Variants in LDAH observed in about 807,000 individuals in gnomAD.
The protein encoded by LDAH is lipid droplet associated hydrolase.
Under a neutral mutation model 29.6 loss-of-function variants are expected in LDAH, and 26 were observed. The ratio of observed to expected loss-of-function variants is 0.88; its 90% CI spans 0.64 to 1.22. The LOEUF (loss-of-function observed/expected upper bound fraction) is 1.22. LDAH is among the 50% of genes most tolerant of loss of function. The probability of loss-of-function intolerance (pLI) is 0.00; values close to 1 mark genes in which losing one functional copy is unlikely to be tolerated. For missense variants in LDAH, 344 were observed against 387.3 expected (o/e 0.89, Z 0.94); for synonymous variants, 117 against 133.0 (o/e 0.88, Z 0.83).
intron 5 of LDAH, 144 bp downstream of exon 5, chr2:20,739,827 T>C: frequency 1.7e-6 from 1 of 604,424 alleles, no homozygotes. Flanking sequence ...TCTAATTTTA[T>C]TTATTTCTAG....
intron 5 of LDAH, among the ~76,000 whole-genome samples, chr2:20,738,600 T>C (rs1666969301): frequency 6.6e-6 from 1 of 152,084 alleles, no homozygotes; most frequent in African/African-American, 2.4e-5. Flanking sequence ...AGATGAGGAG[T>C]TGGACCAAAT....
intron 3 of LDAH, among the ~76,000 whole-genome samples, chr2:20,780,394 T>C (rs1670113373): frequency 6.6e-6 from 1 of 152,120 alleles, no homozygotes; most frequent in South Asian, 2.1e-4. Context: ...CATAATGTTA[T>C]AGACTTAGCA....
chr2:20,710,587 T>G (rs566145943), intron 5 of LDAH, among the ~76,000 whole-genome samples: 1,925 of 128,366 alleles, frequency 0.015, 24 homozygotes, highest in Middle Eastern at 0.062. Flanking sequence ...TATATAGGGG[T>G]GTGTGTGTGT....
intron 4 of LDAH, among the ~76,000 whole-genome samples, chr2:20,740,840 C>T (rs1011236873): frequency 1.3e-5 from 2 of 152,200 alleles, no homozygotes; most frequent in African/African-American, 4.8e-5. Flanking sequence ...TATGAAATCA[C>T]CAAACTGTCT....
At chr2:20,696,384 C>G (rs1219862933) in intron 6 of LDAH, among the ~76,000 whole-genome samples, 2 of 152,230 alleles carry the variant, frequency 1.3e-5, no homozygotes, top group African/African-American at 4.8e-5. Flanking sequence ...CCAAGCCACA[C>G]TGTAGCCCTG....
chr2:20,822,820 G>T (rs1484368966), intron 1 of LDAH, among the ~76,000 whole-genome samples: 1 of 152,178 alleles, frequency 6.6e-6, no homozygotes, highest in Non-Finnish European at 1.5e-5. Flanking sequence ...TCGGGTGAGC[G>T]ACTGCCCGGC....
At chr2:20,753,313 G>A (rs1196729843) in intron 4 of LDAH, among the ~76,000 whole-genome samples, 3 of 152,042 alleles carry the variant, frequency 2.0e-5, no homozygotes. Flanking sequence ...ATCCAAACTT[G>A]TACTAGGTTG....
At chr2:20,743,583 T>C (rs1472301418) in intron 4 of LDAH, among the ~76,000 whole-genome samples, 1 of 152,162 alleles carries the variant, frequency 6.6e-6, no homozygotes, top group African/African-American at 2.4e-5. Flanking sequence ...ACTGTTGCTA[T>C]TATTATTTTG....
At chr2:20,701,465 A>T (rs903750641) in intron 6 of LDAH, 105 bp downstream of exon 6, 4 of 907,268 alleles carry the variant, frequency 4.4e-6, no homozygotes, top group Non-Finnish European at 7.0e-6. Context: ...ATGTCATTCT[A>T]CCAACCCTTA....
chr2:20,687,008 A>T lies in LDAH; in HGVS notation c.873T>A (p.Ile291=), dbSNP rs370262052. 6.2e-6 allele frequency: 10 copies of T among 1,614,106 alleles called. No homozygotes were observed. The highest frequency in any genetic ancestry group is 5.5e-5 in the South Asian group (5 of 91,066). Residue 291 remains isoleucine (I), a synonymous_variant, in exon 7 of 7, where the codon ATT becomes ATA. Transcript: ENST00000237822. ...DIKKDFPEGD[I]RLCEKNIPHA... is the part of the protein sequence containing the mutation. ...GAGGTATGTTTTTCTCACAGAGTCGAATGTCTCCTTCTGGAAAATCCTTCT... is the reference window on the plus strand; with the variant it reads ...GAGGTATGTTTTTCTCACAGAGTCGTATGTCTCCTTCTGGAAAATCCTTCT...
intron 2 of LDAH, among the ~76,000 whole-genome samples, chr2:20,792,472 T>C (rs758051193): frequency 2.0e-5 from 3 of 152,168 alleles, no homozygotes; most frequent in Non-Finnish European, 4.4e-5. Context: ...TGAAAGTATA[T>C]ACAAAAGAAA....
chr2:20,767,147 C>T (rs1669097164), intron 4 of LDAH, among the ~76,000 whole-genome samples: 1 of 152,224 alleles, frequency 6.6e-6, no homozygotes, highest in Non-Finnish European at 1.5e-5. Flanking sequence ...CTGGGCCCAG[C>T]AAGTACCTAG....
At chr2:20,720,557 A>G (rs1665575357) in intron 5 of LDAH, among the ~76,000 whole-genome samples, 1 of 152,186 alleles carries the variant, frequency 6.6e-6, no homozygotes, top group South Asian at 2.1e-4. Context: ...AAAGCAATCT[A>G]CAGATTCAAT....
chr2:20,745,765 A>G (rs931513791), intron 4 of LDAH, among the ~76,000 whole-genome samples: 5 of 152,384 alleles, frequency 3.3e-5, no homozygotes, highest in African/African-American at 1.2e-4. Flanking sequence ...ATAAATGATC[A>G]TAACAATTTA....
intron 5 of LDAH, among the ~76,000 whole-genome samples, chr2:20,717,122 A>G (rs544756666): frequency 1.3e-5 from 2 of 152,326 alleles, no homozygotes; most frequent in South Asian, 4.1e-4. Flanking sequence ...TGGGCTGTAG[A>G]TCAAAAGGTA....
chr2:20,757,755 G>A (rs1668429521), intron 4 of LDAH, among the ~76,000 whole-genome samples: 1 of 152,022 alleles, frequency 6.6e-6, no homozygotes, highest in Admixed American at 6.6e-5. Context: ...TAATAAAAGA[G>A]AATTCCTTCT....
At chr2:20,695,642 G>GT (rs1558383700) in intron 6 of LDAH, among the ~76,000 whole-genome samples, 1 of 151,908 alleles carries the variant, frequency 6.6e-6, no homozygotes. Context: ...TGGAGACGGG[G>GT]TTTCACCATG....
intron 1 of LDAH, among the ~76,000 whole-genome samples, chr2:20,811,007 G>A (rs893434593): frequency 2.6e-5 from 4 of 151,684 alleles, no homozygotes; most frequent in South Asian, 2.1e-4. Flanking sequence ...TGCCAAAAAG[G>A]TATTCGACCT....
At chr2:20,789,066 T>C in intron 3 of LDAH, 1 of 1,492,702 alleles carries the variant, frequency 6.7e-7, no homozygotes. Context: ...TCTTGCTCCC[T>C]TCTGTGCTAC....
Sources: allele counts gnomAD v4.1 joint callset (sites outside exome capture counted in the v4.1 genomes callset), GRCh38; gene constraint gnomAD v4.1.1; transcripts MANE v1.5; gene names NCBI Gene and HGNC (gene_info 2026-07-23, HGNC 2026-07-21).